TIAM2: variants seen among roughly 807,000 people sequenced by gnomAD.
The protein encoded by TIAM2 is rho guanine nucleotide exchange factor TIAM2.
TIAM2 carries 80 observed loss-of-function variants against 152.9 expected under a neutral mutation model. The ratio of observed to expected loss-of-function variants is 0.52; its 90% CI spans 0.44 to 0.63. The LOEUF is 0.63. Ranked by LOEUF, TIAM2 falls within the 30% of genes least tolerant of loss-of-function variation. The pLI is 0.00. For synonymous variants in TIAM2, 804 were observed against 838.0 expected, an observed-to-expected ratio of 0.96 and a Z score of 0.70; for missense variants, 1,965 against 2,120.1, an observed-to-expected ratio of 0.93 and a Z score of 1.44.
Position 155,125,770 on chromosome 6 carries a change from G to A in TIAM2, c.-117-1720G>A, listed in dbSNP as rs145400804. Among the ~76,000 whole-genome samples the A allele has an allele frequency of 7.2e-3, 1,097 of 151,736 alleles. 4 individuals are homozygous for A. Among genetic ancestry groups the A allele is most frequent in the Non-Finnish European group, 0.012 (782 of 67,878 alleles). On this transcript the variant is annotated intron_variant, in intron 2 of 26. Coordinates refer to ENST00000682666, the MANE Select transcript of TIAM2 (RefSeq NM_012454.4). Reference sequence around the variant, plus strand: ...GGGGAGTCACTTGGACCTGGGAGGCGGAGGTTGCAGTGAGCCGAGATTGTG... The same window carrying A: ...GGGGAGTCACTTGGACCTGGGAGGCAGAGGTTGCAGTGAGCCGAGATTGTG...
chr6:155,065,960 G>A (rs1777684651), intron 1 of TIAM2, among the ~76,000 whole-genome samples: 1 of 152,116 alleles, frequency 6.6e-6, no homozygotes, highest in South Asian at 2.1e-4. Flanking sequence ...ATTAGTATTT[G>A]GAGGTATTTG....
intron 14 of TIAM2, among the ~76,000 whole-genome samples, chr6:155,185,167 C>G (rs1445284248): frequency 7.7e-6 from 1 of 130,090 alleles, no homozygotes; most frequent in African/African-American, 2.9e-5. Flanking sequence ...TGCTCTGTCA[C>G]CCAGGCTGGA....
In TIAM2 at chr6:155,018,428, T is replaced by G. The variant is rs529929710; in HGVS notation, c.-209+22936T>G. Among the ~76,000 whole-genome samples, 39 of 151,968 alleles carry G rather than the reference T, an allele frequency of 2.6e-4. No homozygotes were observed. The Middle Eastern group carries it at 0.01, about 40-fold the overall frequency. ...TGAGGTCAGGAGTTTGAGACCAGCC[T>G]GGCCAACACAGTGAAACCCCGTGTC... On this transcript the variant is annotated intron_variant, in intron 1 of 26. Transcript: ENST00000682666.
intron 1 of TIAM2, among the ~76,000 whole-genome samples, chr6:155,047,281 C>T (rs146980309): frequency 2.5e-4 from 38 of 152,282 alleles, no homozygotes; most frequent in African/African-American, 7.0e-4. Context: ...CTGGCTCAAG[C>T]GCTTCTCCTG....
At chr6:155,140,740 TGA>T (rs1779680847) in intron 5 of TIAM2, among the ~76,000 whole-genome samples, 1 of 151,660 alleles carries the variant, frequency 6.6e-6, no homozygotes. Flanking sequence ...TGGGTGAGAG[TGA>T]ACAGCAGTGT....
At chr6:155,123,078 A>G (rs1173268186) in intron 2 of TIAM2, among the ~76,000 whole-genome samples, 1 of 152,158 alleles carries the variant, frequency 6.6e-6, no homozygotes, top group African/African-American at 2.4e-5. Context: ...TCAATTTGTC[A>G]AATTCCTCAG....
chr6:155,240,239 G>A (rs1782963821), intron 15 of TIAM2, among the ~76,000 whole-genome samples: 1 of 152,262 alleles, frequency 6.6e-6, no homozygotes, highest in South Asian at 2.1e-4. Context: ...CAGAGGGTTA[G>A]CCCTAGGCAA....
chr6:155,244,867 AATTTCTTGTCCTGTGACTATTGACT>A lies in TIAM2; in HGVS notation c.3543+89_3543+113del, dbSNP rs1783228087. On this transcript the variant is annotated intron_variant, in intron 18 of 26. Transcript: ENST00000682666. Reference sequence around the variant, plus strand: ...TCATGAGAATTCTCTCATGAGAAAGAATTTCTTGTCCTGTGACTATTGACTATTTATTGTCCTGTGACTATTTCCT... The same window carrying A: ...TCATGAGAATTCTCTCATGAGAAAGAATTTATTGTCCTGTGACTATTTCCT... 10 of 1,448,994 alleles carry A rather than the reference AATTTCTTGTCCTGTGACTATTGACT, an allele frequency of 6.9e-6. 1 individual carries two copies. In the South Asian group the frequency reaches 1.5e-4, roughly 22 times the overall value. 89.8% of individuals were successfully genotyped at this position (1,448,994 alleles called of 1,614,324 possible).
rs200833076 is a variant in TIAM2, at chr6:155,206,501, C to G, written c.3065-4703C>G. On this transcript the variant is annotated intron_variant, in intron 14 of 26. Transcript: ENST00000682666. ...CTGCCCCCCTCAGCCTCCTAAAGTGCTGGGATTACAGGTGTGAACCACTGT... is the reference window on the plus strand; with the variant it reads ...CTGCCCCCCTCAGCCTCCTAAAGTGGTGGGATTACAGGTGTGAACCACTGT... Among the ~76,000 whole-genome samples the G allele has an allele frequency of 5.9e-5, 9 of 152,256 alleles. No individual in the cohort carries two copies. The East Asian group carries it at 1.7e-3, about 29-fold the overall frequency.
chr6:155,079,671 G>C (rs1778021610), intron 1 of TIAM2, among the ~76,000 whole-genome samples: 2 of 152,222 alleles, frequency 1.3e-5, no homozygotes, highest in Non-Finnish European at 2.9e-5. Flanking sequence ...TAGAGGCCAG[G>C]CACAGTGGCT....
At chr6:155,137,993 C>T (rs1383274017) in intron 5 of TIAM2, among the ~76,000 whole-genome samples, 2 of 152,124 alleles carry the variant, frequency 1.3e-5, no homozygotes, top group African/African-American at 4.8e-5. Flanking sequence ...TGGGCCACCA[C>T]ACCTGGCTAA....
At chr6:155,185,336 A>G (rs1047767776) in intron 14 of TIAM2, among the ~76,000 whole-genome samples, 10 of 151,832 alleles carry the variant, frequency 6.6e-5, no homozygotes, top group Non-Finnish European at 1.5e-4. Flanking sequence ...CATGTTGGCC[A>G]GGCTGGTCTT....
At position 155,211,198 on chromosome 6, in the gene TIAM2, A is replaced by G. The variant is rs773869737; in HGVS notation, c.3065-6A>G. 1 of 1,611,864 alleles carries G rather than the reference A, an allele frequency of 6.2e-7. No homozygotes were observed. Among genetic ancestry groups the G allele is most frequent in the East Asian group, 2.2e-5 (1 of 44,830 alleles). On this transcript the variant is annotated splice_polypyrimidine_tract_variant and splice_region_variant and intron_variant, in intron 14 of 26. Transcript: ENST00000682666. Reference sequence around the variant, plus strand: ...CTCATATATGTTTTTGTCATTTTTTATGCAGATTTCAGCAACGTCCCTGAT... The same window carrying G: ...CTCATATATGTTTTTGTCATTTTTTGTGCAGATTTCAGCAACGTCCCTGAT...
At chr6:155,022,480 T>C (rs960698045) in intron 1 of TIAM2, 2 of 152,248 alleles carry the variant, frequency 1.3e-5, no homozygotes, top group Non-Finnish European at 2.9e-5. Context: ...TTTGTATTTT[T>C]AGTAGAGACA....
chr6:155,104,345 T>C (rs4331994), intron 2 of TIAM2, among the ~76,000 whole-genome samples: 115,814 of 151,986 alleles, frequency 0.76, 44,238 homozygotes, highest in Admixed American at 0.83. Context: ...ACATTTTTTC[T>C]CTCCTCCCTG....
At chr6:155,211,049 A>G (rs549058921) in intron 14 of TIAM2, among the ~76,000 whole-genome samples, 155 bp from the exon 15 acceptor site, 1 of 152,282 alleles carries the variant, frequency 6.6e-6, no homozygotes, top group East Asian at 1.9e-4. Flanking sequence ...GCCCATCTGT[A>G]TGCGTAATTG....
chr6:155,221,950 A>C (rs904569419), intron 15 of TIAM2, among the ~76,000 whole-genome samples: 1 of 151,700 alleles, frequency 6.6e-6, no homozygotes, highest in African/African-American at 2.4e-5. Flanking sequence ...CTTCTTATTT[A>C]TTTATTTATT....
chr6:155,212,823 C>T (rs976939712), intron 15 of TIAM2, among the ~76,000 whole-genome samples: 4 of 152,242 alleles, frequency 2.6e-5, no homozygotes, highest in African/African-American at 9.6e-5. Context: ...TCAGTGAGCA[C>T]GTGTGGGGTC....
chr6:155,254,030 G>T lies in TIAM2; in HGVS notation c.4283G>T (p.Arg1428Leu). ...CATACGAAGTCAGAAATAGAAGGAC[G>T]GCCAGAAACCATCTTTCAGTTGTGT... Reference protein sequence around the residue: ...LIHTKSEIEGRPETIFQLCCS... With the variant: ...LIHTKSEIEGLPETIFQLCCS... The change falls in exon 25 of 27, where the codon CGG (arginine) becomes CTG (leucine). Residue 1428 changes from arginine (R) to leucine (L), a missense_variant. Coordinates refer to ENST00000682666, the MANE Select transcript of TIAM2 (RefSeq NM_012454.4). 1.9e-6 allele frequency: 3 copies of T among 1,614,002 alleles called. 1 individual carries two copies. The highest frequency in any genetic ancestry group is 2.5e-6 in the Non-Finnish European group (3 of 1,179,974).
Sources: allele counts gnomAD v4.1 joint callset (sites outside exome capture counted in the v4.1 genomes callset), GRCh38; gene constraint gnomAD v4.1.1; transcripts MANE v1.5; gene names NCBI Gene and HGNC (gene_info 2026-07-23, HGNC 2026-07-21).